Variants in NOS1AP observed in about 807,000 individuals in gnomAD.
NOS1AP encodes carboxyl-terminal PDZ ligand of neuronal nitric oxide synthase protein.
A neutral mutation model predicts 56.2 loss-of-function variants in NOS1AP; 21 were observed. The ratio of observed to expected loss-of-function variants is 0.37; its 90% CI spans 0.26 to 0.54. NOS1AP has a LOEUF of 0.54. Among genes scored for constraint, NOS1AP ranks in the 20% least tolerant of loss-of-function variants. The pLI is 0.84. For synonymous variants in NOS1AP, 270 were observed against 274.6 expected (o/e 0.98, Z 0.17); for missense variants, 522 against 657.8 (o/e 0.79, Z 2.26).
At chr1:162,292,877 T>G (rs1486158422) in intron 3 of NOS1AP, among the ~76,000 whole-genome samples, 1 of 152,210 alleles carries the variant, frequency 6.6e-6, no homozygotes, top group African/African-American at 2.4e-5. Flanking sequence ...TGATTTGGCC[T>G]GATCCTCTAA....
intron 4 of NOS1AP, among the ~76,000 whole-genome samples, chr1:162,322,369 G>C (rs1156666099): frequency 2.0e-5 from 3 of 152,196 alleles, no homozygotes; most frequent in Admixed American, 2.0e-4. Flanking sequence ...AAAAGTATCT[G>C]GACCTGCCAG....
In NOS1AP at chr1:162,135,738, G is replaced by A. The variant is rs147832262; in HGVS notation, c.106-18667G>A. On this transcript the variant is annotated intron_variant, in intron 1 of 9. Transcript: ENST00000361897. ...ATTTCAAGACCAAAAGTGGCAAAGA[G>A]GCTGACTTACTTTTGGGAACATTAA... Among the ~76,000 whole-genome samples the A allele has an allele frequency of 3.2e-4, 49 of 152,288 alleles. No individual in the cohort carries two copies. The East Asian group carries it at 8.1e-3, about 25-fold the overall frequency.
intron 2 of NOS1AP, among the ~76,000 whole-genome samples, chr1:162,199,677 CAAG>C (rs1651928988): frequency 6.6e-6 from 1 of 150,782 alleles, no homozygotes; most frequent in Admixed American, 6.6e-5. Context: ...CCTGCCCTGA[CAAG>C]AAGGGCTGAT....
At chr1:162,076,471 C>T (rs1336352420) in intron 1 of NOS1AP, among the ~76,000 whole-genome samples, 1 of 152,186 alleles carries the variant, frequency 6.6e-6, no homozygotes, top group Non-Finnish European at 1.5e-5. Flanking sequence ...ACATACCATA[C>T]AATTCACTAA....
Position 162,159,763 on chromosome 1 carries a change from A to G in NOS1AP, c.177+5287A>G, listed in dbSNP as rs115079476. On this transcript the variant is annotated intron_variant, in intron 2 of 9. Transcript: ENST00000361897. ...AATCTTACTTAATAACCACCTGAGC[A>G]TAAACCCATGAAATCTGGGGAGGCT... Among the ~76,000 whole-genome samples, 1,228 of 152,358 alleles carry G rather than the reference A, an allele frequency of 8.1e-3. 22 individuals are homozygous for G. Among genetic ancestry groups the G allele is most frequent in the African/African-American group, 0.028 (1,149 of 41,582 alleles).
At chr1:162,302,191 A>G (rs1388843558) in intron 4 of NOS1AP, among the ~76,000 whole-genome samples, 10 of 152,192 alleles carry the variant, frequency 6.6e-5, no homozygotes, top group African/African-American at 2.4e-4. Flanking sequence ...ATTTTTTGCC[A>G]CTAGCCTGTT....
chr1:162,199,622 GTGTGTGTGTGTGTGTGTGTCTGTGTGTA>G (rs1418882130), intron 2 of NOS1AP, among the ~76,000 whole-genome samples: 4 of 140,912 alleles, frequency 2.8e-5, no homozygotes, highest in Non-Finnish European at 6.4e-5. Context: ...GTGTGTGTGT[GTGTGTGTGTGTGTGTGTGTCTGTGTGTA>G]AATTCTTGCA....
rs539993523 is a variant in NOS1AP at position 162,299,202 on chromosome 1, TA to T, written c.271-1424del. On this transcript the variant is annotated intron_variant, in intron 3 of 9. Transcript: ENST00000361897. ...TAATGTGTGCTCATTATGAGGTCAT[TA>T]AAAAAACTGCTATAAACCAATCTGC... Among the ~76,000 whole-genome samples, 455 of 152,254 alleles carry T rather than the reference TA, an allele frequency of 3.0e-3. 3 individuals are homozygous for T. Among genetic ancestry groups the T allele is most frequent in the African/African-American group, 0.01 (431 of 41,536 alleles).
chr1:162,227,352 A>G (rs553820214), intron 2 of NOS1AP, among the ~76,000 whole-genome samples: 2 of 152,344 alleles, frequency 1.3e-5, no homozygotes, highest in South Asian at 2.1e-4. Flanking sequence ...CTTCTGTTCC[A>G]AACACATAGG....
intron 6 of NOS1AP, among the ~76,000 whole-genome samples, chr1:162,347,627 TG>T (rs1657346459): frequency 6.6e-6 from 1 of 152,190 alleles, no homozygotes; most frequent in Non-Finnish European, 1.5e-5. Flanking sequence ...CCTTTTGCAG[TG>T]GGAGCTGCTC....
intron 4 of NOS1AP, 122 bp from the exon 5 acceptor site, chr1:162,332,895 C>T (rs1241703462): frequency 1.3e-6 from 1 of 748,618 alleles, no homozygotes; most frequent in African/African-American, 1.7e-5. Flanking sequence ...AGGAAGAAGA[C>T]TTTCTGTAAT....
chr1:162,205,787 C>T (rs1652143619), intron 2 of NOS1AP, among the ~76,000 whole-genome samples: 1 of 152,114 alleles, frequency 6.6e-6, no homozygotes, highest in African/African-American at 2.4e-5. Flanking sequence ...AATTCTGAAC[C>T]CTGTAGACCT....
chr1:162,172,238 T>C (rs2102131973), intron 2 of NOS1AP, among the ~76,000 whole-genome samples: 1 of 152,296 alleles, frequency 6.6e-6, no homozygotes, highest in East Asian at 1.9e-4. Flanking sequence ...AGAGGAAACT[T>C]GTTGAGCCTA....
intron 2 of NOS1AP, among the ~76,000 whole-genome samples, chr1:162,268,455 A>G (rs1250231923): frequency 6.6e-6 from 1 of 152,182 alleles, no homozygotes; most frequent in Admixed American, 6.5e-5. Flanking sequence ...ACTTTATAAC[A>G]AAGCTCACTC....
intron 1 of NOS1AP, among the ~76,000 whole-genome samples, chr1:162,140,741 G>A (rs1209263706): frequency 6.6e-6 from 1 of 152,092 alleles, no homozygotes; most frequent in Non-Finnish European, 1.5e-5. Flanking sequence ...CACCGTAGCT[G>A]GACTAATTTA....
chr1:162,303,377 T>G (rs561681265), intron 4 of NOS1AP, among the ~76,000 whole-genome samples: 4 of 152,350 alleles, frequency 2.6e-5, no homozygotes, highest in African/African-American at 7.2e-5. Flanking sequence ...ACTCTTCAAA[T>G]ATGTGTTTAT....
At chr1:162,320,276 A>C (rs182571864) in intron 4 of NOS1AP, among the ~76,000 whole-genome samples, 4 of 152,308 alleles carry the variant, frequency 2.6e-5, no homozygotes, top group Admixed American at 2.6e-4. Flanking sequence ...TGAAAATAAC[A>C]GGAATTCTCA....
chr1:162,260,536 T>C (rs1654174185), intron 2 of NOS1AP, among the ~76,000 whole-genome samples: 1 of 152,246 alleles, frequency 6.6e-6, no homozygotes, highest in South Asian at 2.1e-4. Flanking sequence ...AAATGTTCTC[T>C]AAATATAGAT....
intron 2 of NOS1AP, among the ~76,000 whole-genome samples, chr1:162,233,253 C>T (rs1451948528): frequency 6.6e-6 from 1 of 152,174 alleles, no homozygotes; most frequent in Non-Finnish European, 1.5e-5. Context: ...TGCTCATCCT[C>T]ATGGCCAAAG....
Sources: allele counts gnomAD v4.1 joint callset (sites outside exome capture counted in the v4.1 genomes callset), GRCh38; gene constraint gnomAD v4.1.1; transcripts MANE v1.5; gene names NCBI Gene and HGNC (gene_info 2026-07-23, HGNC 2026-07-21).